SEPTIN7: variants seen among roughly 807,000 people sequenced by gnomAD.
SEPTIN7 encodes the protein septin-7.
In SEPTIN7, 10 loss-of-function variants were observed where a neutral mutation model predicts 63.3. The ratio of observed to expected loss-of-function variants is 0.16; its 90% CI spans 0.10 to 0.27. The LOEUF (loss-of-function observed/expected upper bound fraction) is 0.27, where lower values mean the gene tolerates loss of function less well. SEPTIN7 is among the 10% of genes least tolerant of loss of function. The pLI, the probability that SEPTIN7 is intolerant of heterozygous loss-of-function variation, is 1.00. For synonymous variants in SEPTIN7, 131 were observed against 165.3 expected, an observed-to-expected ratio of 0.79 and a Z score of 1.59; for missense variants, 310 against 521.0, an observed-to-expected ratio of 0.59 and a Z score of 3.94.
chr7:35,914,198 T>C, the SEPTIN7 span, among the ~76,000 whole-genome samples: 3 of 152,210 alleles, frequency 2.0e-5, no homozygotes, highest in Non-Finnish European at 2.9e-5. Context: ...ATAATAACAT[T>C]TAAATAATGC....
At chr7:35,804,950 C>T (rs1021078985) in intron 1 of SEPTIN7, among the ~76,000 whole-genome samples, 1 of 150,742 alleles carries the variant, frequency 6.6e-6, no homozygotes, top group African/African-American at 2.4e-5. Flanking sequence ...AAGCAGTTCT[C>T]CTGTCTCAGC....
At chr7:35,900,660 G>A (rs903696916) in intron 12 of SEPTIN7, 2 of 152,198 alleles carry the variant, frequency 1.3e-5, no homozygotes, top group African/African-American at 4.8e-5. Flanking sequence ...TCTAAAAGTA[G>A]TTTAACTTAT....
Position 35,883,994 on chromosome 7 carries a change from T to C in SEPTIN7, c.820+7T>C, listed in dbSNP as rs1282988550. 1.3e-6 allele frequency: 2 copies of C among 1,559,448 alleles called. No individual in the cohort carries two copies. Among genetic ancestry groups the C allele is most frequent in the Non-Finnish European group, 1.8e-6 (2 of 1,131,166 alleles). On this transcript the variant is annotated splice_region_variant and intron_variant, in intron 9 of 13. Coordinates refer to ENST00000350320, the MANE Select transcript of SEPTIN7 (RefSeq NM_001788.6). Reference sequence around the variant, plus strand: ...CCTTGGGGTGTTGCTGAAGGTAAGATTTTCTTCAGTGAATGACTTTCTAAA... The same window carrying C: ...CCTTGGGGTGTTGCTGAAGGTAAGACTTTCTTCAGTGAATGACTTTCTAAA...
chr7:35,908,456 G>A (rs1788675906), downstream of SEPTIN7, among the ~76,000 whole-genome samples: 1 of 152,182 alleles, frequency 6.6e-6, no homozygotes, highest in Admixed American at 6.5e-5. Flanking sequence ...TTCTGCGCCA[G>A]GCTCTCAAAA....
intron 10 of SEPTIN7, among the ~76,000 whole-genome samples, chr7:35,890,198 A>G (rs571989519): frequency 4.6e-5 from 7 of 152,336 alleles, no homozygotes; most frequent in Admixed American, 4.6e-4. Flanking sequence ...AAATTACTCT[A>G]AAATTTCCTT....
intron 3 of SEPTIN7, among the ~76,000 whole-genome samples, chr7:35,834,439 T>C (rs1443839861): frequency 6.6e-6 from 1 of 152,048 alleles, no homozygotes; most frequent in Non-Finnish European, 1.5e-5. Context: ...GAGGAAATAT[T>C]CAGTCTCTAG....
At chr7:35,834,917 A>G (rs1784006450) in intron 3 of SEPTIN7, among the ~76,000 whole-genome samples, 1 of 152,114 alleles carries the variant, frequency 6.6e-6, no homozygotes, top group African/African-American at 2.4e-5. Flanking sequence ...CCACATTACG[A>G]CAGTTCATTT....
intron 1 of SEPTIN7, among the ~76,000 whole-genome samples, chr7:35,819,426 TG>T (rs1789275436): frequency 1.3e-5 from 2 of 152,198 alleles, no homozygotes; most frequent in Admixed American, 6.5e-5. Flanking sequence ...TTGCTGTTTT[TG>T]GGTGGAATGT....
intron 6 of SEPTIN7, chr7:35,874,102 G>A: frequency 5.0e-6 from 1 of 198,218 alleles, no homozygotes; most frequent in Non-Finnish European, 1.0e-5. Context: ...ACCAAATAAA[G>A]AGAAGCAGCC....
rs143294343 is a variant in SEPTIN7 at position 35,850,434 on chromosome 7, C to T, written c.170-13118C>T. ...AAGCTCCACAGTGTGATCACCAGCT[C>T]CTCTCAGGCTTTCCTCTTGCCTCTA... On this transcript the variant is annotated intron_variant, in intron 3 of 13. Transcript: ENST00000350320. 1.1e-3 allele frequency among the ~76,000 whole-genome samples: 165 copies of T among 152,256 alleles called. 1 individual carries two copies. In the East Asian group the frequency reaches 0.029, roughly 26 times the overall value.
chr7:35,902,975 A>G lies in SEPTIN7; in HGVS notation c.1135-101A>G, dbSNP rs1344792447. The G allele has an allele frequency of 3.2e-5, 44 of 1,385,500 alleles. No homozygotes were observed. In the East Asian group the frequency reaches 1.0e-3, roughly 32 times the overall value. The allele number at this position is 1,385,500 out of a possible 1,614,324, so 85.8% of individuals were successfully genotyped here. ...TCTGAATTTACAACAGGGCTATTCA[A>G]ATAGTGCTCATACTCCTTATCATTA... On this transcript the variant is annotated intron_variant, in intron 12 of 13. Transcript: ENST00000350320.
chr7:35,844,119 A>C (rs1036134061), intron 3 of SEPTIN7, among the ~76,000 whole-genome samples: 23 of 152,224 alleles, frequency 1.5e-4, no homozygotes, highest in African/African-American at 4.6e-4. Context: ...AGTGCTAAGA[A>C]TTACTGATGA....
chr7:35,813,388 T>C (rs1182823407), intron 1 of SEPTIN7, among the ~76,000 whole-genome samples: 1 of 151,646 alleles, frequency 6.6e-6, no homozygotes, highest in Non-Finnish European at 1.5e-5. Context: ...AGAGTCTCGC[T>C]CTGTCACCCA....
chr7:35,897,093 A>G (rs1376855079), intron 11 of SEPTIN7, among the ~76,000 whole-genome samples: 2 of 152,198 alleles, frequency 1.3e-5, no homozygotes, highest in Non-Finnish European at 2.9e-5. Flanking sequence ...CTAGCCTTAA[A>G]GTTACGGGTG....
intron 3 of SEPTIN7, among the ~76,000 whole-genome samples, chr7:35,853,695 C>A (rs1785067011): frequency 6.6e-6 from 1 of 152,094 alleles, no homozygotes; most frequent in South Asian, 2.1e-4. Flanking sequence ...AGCTCAATGT[C>A]TTTCTTATAG....
intron 1 of SEPTIN7, chr7:35,815,176 AT>A: frequency 2.2e-6 from 1 of 445,020 alleles, no homozygotes. Context: ...TTCATCTTGT[AT>A]TTTTCGTGCC....
At chr7:35,849,585 T>C (rs1335425599) in intron 3 of SEPTIN7, among the ~76,000 whole-genome samples, 2 of 152,166 alleles carry the variant, frequency 1.3e-5, no homozygotes, top group African/African-American at 4.8e-5. Flanking sequence ...GATTAAATCT[T>C]TACCAGATTA....
At chr7:35,880,772 CT>C (rs1786827954) in intron 7 of SEPTIN7, among the ~76,000 whole-genome samples, 1 of 152,170 alleles carries the variant, frequency 6.6e-6, no homozygotes, top group East Asian at 1.9e-4. Flanking sequence ...GAGTCTCATG[CT>C]GTATGACTGA....
intron 6 of SEPTIN7, among the ~76,000 whole-genome samples, chr7:35,874,384 A>G (rs560408962): frequency 1.3e-5 from 2 of 151,870 alleles, no homozygotes; most frequent in African/African-American, 4.8e-5. Context: ...GTTAGCCTGT[A>G]CTCCCTTTTT....
Sources: allele counts gnomAD v4.1 joint callset (sites outside exome capture counted in the v4.1 genomes callset), GRCh38; gene constraint gnomAD v4.1.1; transcripts MANE v1.5; gene names NCBI Gene and HGNC (gene_info 2026-07-23, HGNC 2026-07-21).